DGKQ: variants seen among roughly 807,000 people sequenced by gnomAD.
DGKQ encodes diacylglycerol kinase theta, also known as DAG kinase theta.
Under a neutral mutation model 104.2 loss-of-function variants are expected in DGKQ, and 97 were observed. The observed-to-expected ratio is 0.93, with a 90% CI of 0.79 to 1.10. The LOEUF is 1.10. Among genes scored for constraint, DGKQ ranks in the 50% least tolerant of loss-of-function variants. The pLI is 0.00. For missense variants in DGKQ, 1,465 were observed against 1,352.1 expected, an observed-to-expected ratio of 1.08 and a Z score of -1.31; for synonymous variants, 736 against 595.2, an observed-to-expected ratio of 1.24 and a Z score of -3.44.
intron 12 of DGKQ, 39 bp from the exon 13 acceptor site, chr4:966,117 C>A: frequency 6.4e-7 from 1 of 1,556,418 alleles, no homozygotes; most frequent in Non-Finnish European, 8.7e-7. Flanking sequence ...CCGGGGAGAA[C>A]GGCACCACCG....
rs1481962939 is a variant in DGKQ at position 959,277 on chromosome 4, A to G, written c.*1343T>C. The G allele has an allele frequency of 6.6e-6, 1 of 152,562 alleles. No individual in the cohort carries two copies. Among genetic ancestry groups the G allele is most frequent in the African/African-American group, 2.4e-5 (1 of 41,446 alleles). 9.5% of individuals were successfully genotyped at this position (152,562 alleles called of 1,614,324 possible). A position where few individuals can be genotyped will look rare whatever the true frequency, so the allele number is the denominator to read the frequency against. On this transcript the variant is annotated 3_prime_UTR_variant, in exon 23 of 23. Coordinates refer to ENST00000273814, the MANE Select transcript of DGKQ (RefSeq NM_001347.4). ...GGCCACACTCCTGAGGCCAAACCAG[A>G]GCCACTTCTGAGGTCAAAGCCACAC...
intron 14 of DGKQ, 73 bp from the exon 15 acceptor site, chr4:965,364 A>G (rs1015669869): frequency 5.7e-6 from 9 of 1,568,252 alleles, no homozygotes; most frequent in African/African-American, 2.7e-5. Context: ...GAACCAAACC[A>G]GGACGTTTCC....
intron 18 of DGKQ, 46 bp from the exon 19 acceptor site, chr4:962,128 G>A (rs770785648): frequency 7.8e-6 from 12 of 1,529,386 alleles, no homozygotes; most frequent in Non-Finnish European, 1.1e-5. Flanking sequence ...GCCCTCACCA[G>A]GCCCCCTGAG....
At chr4:970,636 G>T (rs1035050819) in intron 2 of DGKQ, among the ~76,000 whole-genome samples, 1 of 152,104 alleles carries the variant, frequency 6.6e-6, no homozygotes, top group Non-Finnish European at 1.5e-5. Context: ...CTGAGGTCAC[G>T]CCAGATGCCG....
chr4:962,292 C>G (rs1209073257), intron 18 of DGKQ, 143 bp downstream of exon 18: 2 of 990,360 alleles, frequency 2.0e-6, no homozygotes, highest in African/African-American at 1.6e-5. Flanking sequence ...CTTTCTGTGT[C>G]TCCCTCAACT....
At position 960,871 on chromosome 4, in the gene DGKQ, G is replaced by A. The variant is rs550448016; in HGVS notation, c.2728-150C>T. ...AGGGACCTGTCTGGCTGCTCCCTGT[G>A]CCACCTGTGGCCCGCCTGGCCACTG... is the stretch of plus-strand genomic sequence containing the variant. On this transcript the variant is annotated intron_variant, in intron 22 of 22. Transcript: ENST00000273814. 8.6e-5 allele frequency: 127 copies of A among 1,474,202 alleles called. No individual in the cohort carries two copies. In the East Asian group the frequency reaches 2.6e-3, roughly 30 times the overall value. 91.3% of individuals were successfully genotyped at this position (1,474,202 alleles called of 1,614,324 possible).
At chr4:969,695 C>T (rs1342062024) in intron 2 of DGKQ, among the ~76,000 whole-genome samples, 3 of 151,838 alleles carry the variant, frequency 2.0e-5, no homozygotes, top group South Asian at 4.2e-4. Context: ...CTGCAAGCTC[C>T]GCCTCCTGGG....
At position 967,603 on chromosome 4, in the gene DGKQ, T is replaced by G. The variant is rs748214311; in HGVS notation, c.933A>C (p.Arg311Ser). The change falls in exon 8 of 23, where the codon AGA (arginine) becomes AGC (serine). Residue 311 changes from arginine to serine, a missense_variant. By Grantham distance (110) the Arg-to-Ser change is moderately radical. Transcript: ENST00000273814. ...KIFDGDDAVRRSQFRLVTVSR... is the reference protein window; with the variant it reads ...KIFDGDDAVRSSQFRLVTVSR... ...ACACCGTGACGAGGCGGAACTGGCT[T>G]CTTCTCACCGCGTCGTCGCCATCAA... 3.3e-5 allele frequency: 53 copies of G among 1,612,462 alleles called. No individual in the cohort carries two copies. The highest frequency in any genetic ancestry group is 8.3e-5 in the Admixed American group (5 of 59,974).
In DGKQ at chr4:966,515, A is replaced by G; in HGVS notation, c.1379T>C (p.Met460Thr). Reference protein sequence around the residue: ...AMGCRHVQRTMLMDEQPLLDR... With the variant: ...AMGCRHVQRTTLMDEQPLLDR... ...CAGCAGGGGCTGTTCGTCCATCAGCATCGTCCGCTGGACTGCAGAGGTGAG... is the reference window on the plus strand; with the variant it reads ...CAGCAGGGGCTGTTCGTCCATCAGCGTCGTCCGCTGGACTGCAGAGGTGAG... The change falls in exon 12 of 23, where the codon ATG (methionine) becomes ACG (threonine). Residue 460 changes from methionine (M) to threonine (T), a missense_variant. Met to Thr is a moderately conservative substitution (Grantham distance 81). Transcript: ENST00000273814. 1 of 1,612,430 alleles carries G rather than the reference A, an allele frequency of 6.2e-7. No homozygotes were observed. Among genetic ancestry groups the G allele is most frequent in the African/African-American group, 1.3e-5 (1 of 75,054 alleles).
rs756545027 is a variant in DGKQ at position 968,479 on chromosome 4, G to A, written c.537C>T (p.His179=). 24 of 1,604,178 alleles carry A rather than the reference G, an allele frequency of 1.5e-5. No individual in the cohort carries two copies. The highest frequency in any genetic ancestry group is 3.4e-5 in the Admixed American group (2 of 59,242). Residue 179 remains histidine (H), a splice_region_variant and synonymous_variant, in exon 4 of 23, where the codon CAC becomes CAT. Coordinates refer to ENST00000273814, the MANE Select transcript of DGKQ (RefSeq NM_001347.4). Reference sequence around the variant, plus strand: ...GGCTCCCTGGGGCCGGTACACTCACGTGATCCTGGTGCCCATCCTGGTGGC... The same window carrying A: ...GGCTCCCTGGGGCCGGTACACTCACATGATCCTGGTGCCCATCCTGGTGGC... ...RQCHQDGHQD[H]DTHHHHWREG... is the part of the protein sequence containing the mutation.
In DGKQ at chr4:960,508, G is replaced by T; in HGVS notation, c.*112C>A. On this transcript the variant is annotated 3_prime_UTR_variant, in exon 23 of 23. Coordinates refer to ENST00000273814, the MANE Select transcript of DGKQ (RefSeq NM_001347.4). ...ATGCTGTGGTCAGGGCTGTAGCCAG[G>T]TCCGACCACAGGGCCGGCCACTGTG... The T allele has an allele frequency of 2.1e-6, 2 of 958,488 alleles. No homozygotes were observed. The highest frequency in any genetic ancestry group is 2.4e-5 in the East Asian group (1 of 41,068). The allele number at this position is 958,488 out of a possible 1,614,324, so 59.4% of individuals were successfully genotyped here.
At chr4:966,887 A>C (rs1712398104) in intron 10 of DGKQ, 77 bp downstream of exon 10, 9 of 1,554,244 alleles carry the variant, frequency 5.8e-6, no homozygotes, top group Non-Finnish European at 7.9e-6. Context: ...CTGGGCTGGG[A>C]TGGTGGCCTG....
chr4:966,811 G>A lies in DGKQ; in HGVS notation c.1312-9C>T. On this transcript the variant is annotated splice_polypyrimidine_tract_variant and intron_variant, in intron 10 of 22. Transcript: ENST00000273814. ...CTCTCGGGACTCTCGGCCTGTTGGG[G>A]TAGAGCTTGGCATCGGGTCTGGGCA... 3 of 1,608,002 alleles carry A rather than the reference G, an allele frequency of 1.9e-6. No homozygotes were observed. The highest frequency in any genetic ancestry group is 2.5e-6 in the Non-Finnish European group (3 of 1,177,846).
At position 959,192 on chromosome 4, in the gene DGKQ, G is replaced by C. The variant is rs944154490; in HGVS notation, c.*1428C>G. The C allele has an allele frequency of 1.3e-5, 2 of 152,706 alleles. No individual in the cohort carries two copies. The highest frequency in any genetic ancestry group is 2.9e-5 in the Non-Finnish European group (2 of 68,182). The allele number at this position is 152,706 out of a possible 1,614,324, so 9.5% of individuals were successfully genotyped here. A position where few individuals can be genotyped will look rare whatever the true frequency, so the allele number is the denominator to read the frequency against. On this transcript the variant is annotated 3_prime_UTR_variant, in exon 23 of 23. Transcript: ENST00000273814. ...TGTGTCTGTGCAGTTTGGCAGATGC[G>C]GGGGGTCGGGGGATTAGTGGCATCA...
rs190524205 is a variant in DGKQ, at chr4:961,285, G to A, written c.2575-84C>T. On this transcript the variant is annotated intron_variant, in intron 21 of 22. Coordinates refer to ENST00000273814, the MANE Select transcript of DGKQ (RefSeq NM_001347.4). ...GGCCCTGGGGCGGGAGAGGCCAGCCGAGCAGGGACCAGGGACGCCCACCCT... is the reference window on the plus strand; with the variant it reads ...GGCCCTGGGGCGGGAGAGGCCAGCCAAGCAGGGACCAGGGACGCCCACCCT... 1.2e-3 allele frequency: 1,541 copies of A among 1,311,166 alleles called. 13 individuals are homozygous for A. The highest frequency in any genetic ancestry group is 0.01 in the Middle Eastern group (34 of 3,386). The allele number at this position is 1,311,166 out of a possible 1,614,324, so 81.2% of individuals were successfully genotyped here.
At chr4:972,482 C>A (rs1284389061) in intron 1 of DGKQ, among the ~76,000 whole-genome samples, 1 of 152,236 alleles carries the variant, frequency 6.6e-6, no homozygotes, top group Non-Finnish European at 1.5e-5. Flanking sequence ...GCCCCTCCCA[C>A]CTCAGCGTCC....
At chr4:970,423 A>C (rs1311257322) in intron 2 of DGKQ, among the ~76,000 whole-genome samples, 1 of 152,192 alleles carries the variant, frequency 6.6e-6, no homozygotes, top group Non-Finnish European at 1.5e-5. Context: ...CCCTGCAGTG[A>C]CCTGGGCCAG....
chr4:965,492 T>G lies in DGKQ; in HGVS notation c.1617A>C (p.Gln539His). 1.2e-6 allele frequency: 2 copies of G among 1,611,428 alleles called. No homozygotes were observed. The highest frequency in any genetic ancestry group is 1.7e-6 in the Non-Finnish European group (2 of 1,179,392). The stretch of plus-strand genomic sequence containing the variant: ...ACCACGTCCCTCAGGGCAGCTCACC[T>G]TGGGAGGAGTAGATGTGACTCACGG... Reference protein sequence around the residue: ...VVSVSHIYSSQGAVVLDVACF... With the variant: ...VVSVSHIYSSHGAVVLDVACF... The change falls in exon 14 of 23, where the codon CAA (glutamine) becomes CAC (histidine). Residue 539 changes from glutamine (Q) to histidine (H), a missense_variant and splice_region_variant. Transcript: ENST00000273814.
At chr4:960,778 C>T (rs530944465) in intron 22 of DGKQ, 57 bp from the exon 23 acceptor site, 3 of 1,586,620 alleles carry the variant, frequency 1.9e-6, no homozygotes, top group East Asian at 2.3e-5. Flanking sequence ...AAGAACGGTA[C>T]ACGGGCAGCC....
Sources: gnomAD v4.1 joint callset for allele counts (sites outside exome capture counted in the v4.1 genomes callset) on GRCh38, gnomAD v4.1.1 for gene constraint, MANE v1.5 for transcripts, NCBI Gene and HGNC (gene_info 2026-07-23, HGNC 2026-07-21) for gene names.